The following LRRC20 variants were observed in gnomAD, a reference collection of about 807,000 sequenced individuals.
LRRC20 encodes leucine rich repeat containing 20.
In LRRC20, 11 loss-of-function variants were observed where a neutral mutation model predicts 14.4. That is an observed-to-expected ratio of 0.77 (90% confidence interval 0.48 to 1.27). The LOEUF (loss-of-function observed/expected upper bound fraction) is 1.27, where lower values mean the gene tolerates loss of function less well. LRRC20 is among the 50% of genes most tolerant of loss of function. The pLI is 0.00. For synonymous variants in LRRC20, 121 were observed against 107.3 expected, an observed-to-expected ratio of 1.13 and a Z score of -0.79; for missense variants, 219 against 251.2, an observed-to-expected ratio of 0.87 and a Z score of 0.87.
intron 2 of LRRC20, among the ~76,000 whole-genome samples, chr10:70,343,243 T>C (rs1483715299): frequency 6.6e-6 from 1 of 152,160 alleles, no homozygotes; most frequent in East Asian, 1.9e-4. Context: ...TTTTGTGCTA[T>C]CTTCCCAGTG....
rs528707687 is a variant in LRRC20, at chr10:70,377,144, G to A, written c.-63-548C>T. ...GCCCTGTGATCCCATCAGAACACAC[G>A]GACTGGCGGTGGGTGGTCTCTAAGA... On this transcript the variant is annotated intron_variant, in intron 1 of 4. Coordinates refer to ENST00000446961, the MANE Select transcript of LRRC20 (RefSeq NM_001278212.2). Among the ~76,000 whole-genome samples the A allele has an allele frequency of 2.0e-4, 30 of 152,310 alleles. No homozygotes were observed. The East Asian group carries it at 4.1e-3, about 21-fold the overall frequency.
chr10:70,372,228 C>G (rs577795747), intron 2 of LRRC20, among the ~76,000 whole-genome samples: 1 of 152,252 alleles, frequency 6.6e-6, no homozygotes, highest in Non-Finnish European at 1.5e-5. Context: ...AAAATCTGTT[C>G]CCTAATTTTA....
chr10:70,361,325 CAA>C (rs1267221894), intron 2 of LRRC20, among the ~76,000 whole-genome samples: 4 of 152,198 alleles, frequency 2.6e-5, no homozygotes, highest in Non-Finnish European at 4.4e-5. Context: ...TGATGGTGAG[CAA>C]GAGAGAGTGA....
At chr10:70,334,298 T>C (rs1206293948) in intron 3 of LRRC20, among the ~76,000 whole-genome samples, 1 of 152,166 alleles carries the variant, frequency 6.6e-6, no homozygotes, top group African/African-American at 2.4e-5. Flanking sequence ...TTCTTTTCTC[T>C]TTTGTCCACT....
intron 4 of LRRC20, among the ~76,000 whole-genome samples, chr10:70,312,750 C>A (rs1037300135): frequency 3.3e-5 from 5 of 152,304 alleles, no homozygotes; most frequent in Admixed American, 2.6e-4. Flanking sequence ...AACCTTTCAT[C>A]TTTAAGACCG....
intron 2 of LRRC20, among the ~76,000 whole-genome samples, chr10:70,368,635 A>T (rs9733713): frequency 1.3e-5 from 2 of 151,816 alleles, no homozygotes; most frequent in African/African-American, 2.4e-5. Context: ...TTTTGGCGGC[A>T]GGGGGGACTG....
At chr10:70,320,166 AGGGAGGACG>A (rs1021958725) in intron 4 of LRRC20, among the ~76,000 whole-genome samples, 17 of 152,200 alleles carry the variant, frequency 1.1e-4, no homozygotes, top group African/African-American at 4.1e-4. Context: ...GGCATGAGCT[AGGGAGGACG>A]GGTGACTGAG....
intron 2 of LRRC20, among the ~76,000 whole-genome samples, chr10:70,361,254 A>T (rs1843711072): frequency 6.6e-6 from 1 of 152,136 alleles, no homozygotes; most frequent in Admixed American, 6.5e-5. Context: ...AATCAGATGC[A>T]CTCACTCATC....
chr10:70,347,818 CA>C (rs35277085), intron 2 of LRRC20, among the ~76,000 whole-genome samples: 3,432 of 127,844 alleles, frequency 0.027, 58 homozygotes, highest in Middle Eastern at 0.048. Context: ...GACTCCGTCT[CA>C]AAAAAAAAAA....
intron 4 of LRRC20, among the ~76,000 whole-genome samples, chr10:70,316,580 G>A (rs544715142): frequency 3.9e-5 from 6 of 152,240 alleles, no homozygotes; most frequent in Non-Finnish European, 8.8e-5. Flanking sequence ...AATGCCATTT[G>A]GGCAAAGACC....
intron 4 of LRRC20, among the ~76,000 whole-genome samples, chr10:70,312,274 C>T (rs1018413001): frequency 2.6e-5 from 4 of 152,182 alleles, no homozygotes; most frequent in African/African-American, 9.7e-5. Flanking sequence ...CTGCGCTAAG[C>T]TGCATACCCC....
intron 2 of LRRC20, among the ~76,000 whole-genome samples, chr10:70,343,237 G>A (rs1256336005): frequency 2.6e-5 from 4 of 152,090 alleles, no homozygotes; most frequent in Non-Finnish European, 5.9e-5. Flanking sequence ...ATCCCTTTTT[G>A]TGCTATCTTC....
rs755875549 is a variant in LRRC20 at position 70,300,231 on chromosome 10, C to T, written c.*1123G>A. ...ACAGGCGTTCTCGGGAAGCAAGAGC[C>T]CCAGGCCCTCTCCTGGTAGGGGACC... is the stretch of plus-strand genomic sequence containing the variant. On this transcript the variant is annotated 3_prime_UTR_variant, in exon 5 of 5. Transcript: ENST00000446961. The T allele has an allele frequency of 2.4e-6, 1 of 423,792 alleles. No individual in the cohort carries two copies. The highest frequency in any genetic ancestry group is 3.2e-6 in the Non-Finnish European group (1 of 316,470). 26.3% of individuals were successfully genotyped at this position (423,792 alleles called of 1,614,324 possible).
Position 70,304,470 on chromosome 10 carries a change from T to TTTTATATATATATATA in LRRC20, c.401-2963_401-2962insTATATATATATATAAA, listed in dbSNP as rs1841329290. Reference sequence around the variant, plus strand: ...GCTATATAGATATCAGGCCACTTCTTTATATATATATATATATATATATAT... The same window carrying TTTTATATATATATATA: ...GCTATATAGATATCAGGCCACTTCTTTTTATATATATATATATATATATATATATATATATATATAT... On this transcript the variant is annotated intron_variant, in intron 4 of 4. Transcript: ENST00000446961. Among the ~76,000 whole-genome samples the TTTTATATATATATATA allele has an allele frequency of 6.1e-5, 7 of 113,822 alleles. No individual in the cohort carries two copies. The South Asian group carries it at 8.4e-4, about 14-fold the overall frequency. The allele number at this position is 113,822 out of a possible 152,430, so 74.7% of individuals were successfully genotyped here. A position where few individuals can be genotyped will look rare whatever the true frequency, so the allele number is the denominator to read the frequency against.
intron 2 of LRRC20, among the ~76,000 whole-genome samples, chr10:70,341,315 A>G (rs1470098226): frequency 6.6e-6 from 1 of 152,226 alleles, no homozygotes; most frequent in East Asian, 1.9e-4. Flanking sequence ...ACAAAAACAT[A>G]CATCCATGCA....
chr10:70,302,372 C>T (rs1007347000), intron 4 of LRRC20, among the ~76,000 whole-genome samples: 5 of 152,062 alleles, frequency 3.3e-5, no homozygotes, highest in African/African-American at 4.8e-5. Flanking sequence ...AGACAAATAC[C>T]GTATGACTCC....
chr10:70,355,607 G>T (rs1311542708), intron 2 of LRRC20, among the ~76,000 whole-genome samples: 1 of 152,184 alleles, frequency 6.6e-6, no homozygotes. Context: ...GGTTTAGGGG[G>T]ATTTTTTTCT....
At chr10:70,363,175 G>T (rs973258640) in intron 2 of LRRC20, among the ~76,000 whole-genome samples, 1 of 151,572 alleles carries the variant, frequency 6.6e-6, no homozygotes, top group Non-Finnish European at 1.5e-5. Flanking sequence ...CTACTCGAGA[G>T]GCTGAGTCAG....
chr10:70,327,824 G>A (rs1842385715), intron 3 of LRRC20, among the ~76,000 whole-genome samples: 1 of 152,142 alleles, frequency 6.6e-6, no homozygotes, highest in South Asian at 2.1e-4. Context: ...ACCCCAGCCA[G>A]CCGTGTCCAG....
Sources: gnomAD v4.1 joint callset for allele counts (sites outside exome capture counted in the v4.1 genomes callset) on GRCh38, gnomAD v4.1.1 for gene constraint, MANE v1.5 for transcripts, NCBI Gene and HGNC (gene_info 2026-07-23, HGNC 2026-07-21) for gene names.